The following NTM variants were observed in gnomAD, a reference collection of about 807,000 sequenced individuals.
NTM encodes the protein IgLON family member 2.
In NTM, 13 loss-of-function variants were observed where a neutral mutation model predicts 42.1. The observed-to-expected ratio is 0.31, with a 90% confidence interval of 0.20 to 0.49. The LOEUF (loss-of-function observed/expected upper bound fraction) is 0.49, where lower values mean the gene tolerates loss of function less well. Ranked by LOEUF, NTM falls within the 20% of genes least tolerant of loss-of-function variation. The probability of loss-of-function intolerance (pLI) is 0.99; values close to 1 mark genes in which losing one functional copy is unlikely to be tolerated. For missense variants in NTM, 373 were observed against 452.8 expected (o/e 0.82, Z 1.60); for synonymous variants, 187 against 179.2 (o/e 1.04, Z -0.35).
chr11:132,157,337 T>A (rs988741978), intron 3 of NTM, among the ~76,000 whole-genome samples: 8 of 152,306 alleles, frequency 5.3e-5, no homozygotes, highest in East Asian at 1.9e-4. Context: ...TATTTCTTTT[T>A]AAAAAAAATC....
intron 1 of NTM, among the ~76,000 whole-genome samples, chr11:131,527,145 C>G (rs2050611585): frequency 6.6e-6 from 1 of 152,176 alleles, no homozygotes; most frequent in Non-Finnish European, 1.5e-5. Flanking sequence ...TGTAACCCCC[C>G]TGGTCTCCCA....
chr11:131,647,832 AC>A (rs1184887349), intron 1 of NTM, among the ~76,000 whole-genome samples: 1 of 152,180 alleles, frequency 6.6e-6, no homozygotes, highest in Non-Finnish European at 1.5e-5. Flanking sequence ...GTTTTATTTA[AC>A]TATCCAGAAA....
intron 1 of NTM, among the ~76,000 whole-genome samples, chr11:131,699,930 G>T (rs1394218396): frequency 5.8e-5 from 8 of 138,500 alleles, no homozygotes; most frequent in Admixed American, 5.7e-4. Flanking sequence ...GTGTGTGTGT[G>T]TGTGTGTGTG....
intron 1 of NTM, among the ~76,000 whole-genome samples, chr11:131,491,268 A>G (rs1035816871): frequency 1.3e-5 from 2 of 152,206 alleles, no homozygotes; most frequent in Non-Finnish European, 1.5e-5. Flanking sequence ...TATTCTTTCT[A>G]TAGGAAATGG....
At chr11:132,330,455 C>T (rs954074350) in intron 8 of NTM, among the ~76,000 whole-genome samples, 4 of 152,170 alleles carry the variant, frequency 2.6e-5, no homozygotes, top group African/African-American at 9.7e-5. Flanking sequence ...AGAATAGCTC[C>T]ATCTCTGGGC....
chr11:131,576,884 TAATATCACC>T (rs1277658638), intron 1 of NTM, among the ~76,000 whole-genome samples: 1 of 152,204 alleles, frequency 6.6e-6, no homozygotes, highest in Admixed American at 6.5e-5. Context: ...TGTGGTGCAA[TAATATCACC>T]AATGATATGG....
At chr11:131,596,668 C>T (rs1010194166) in intron 1 of NTM, among the ~76,000 whole-genome samples, 4 of 152,242 alleles carry the variant, frequency 2.6e-5, no homozygotes, top group African/African-American at 9.6e-5. Flanking sequence ...GGCCCAAGCC[C>T]TCGAAGGTCT....
chr11:131,397,594 G>A (rs1442638639), intron 1 of NTM, among the ~76,000 whole-genome samples: 2 of 152,156 alleles, frequency 1.3e-5, no homozygotes, highest in African/African-American at 4.8e-5. Context: ...AAATAAAGAC[G>A]TGTCCTATCA....
At chr11:131,966,799 G>T (rs1046666710) in intron 2 of NTM, among the ~76,000 whole-genome samples, 9 of 152,180 alleles carry the variant, frequency 5.9e-5, no homozygotes, top group African/African-American at 1.9e-4. Flanking sequence ...AGAATGGAAT[G>T]TGTTCTAAAA....
At chr11:131,969,630 A>G (rs1211756075) in intron 2 of NTM, among the ~76,000 whole-genome samples, 1 of 152,164 alleles carries the variant, frequency 6.6e-6, no homozygotes, top group Non-Finnish European at 1.5e-5. Flanking sequence ...TATGATGTGA[A>G]TAGAAGCACT....
intron 1 of NTM, among the ~76,000 whole-genome samples, chr11:131,672,169 C>A (rs113426734): frequency 2.0e-5 from 3 of 152,230 alleles, no homozygotes; most frequent in Non-Finnish European, 4.4e-5. Flanking sequence ...AACAAGCCTG[C>A]GTGGTGCTGT....
At chr11:132,263,508 C>T (rs1178932265) in intron 4 of NTM, among the ~76,000 whole-genome samples, 1 of 152,204 alleles carries the variant, frequency 6.6e-6, no homozygotes, top group Non-Finnish European at 1.5e-5. Context: ...GTCTGCCACG[C>T]CCTTAGTGTT....
At chr11:132,029,136 C>A (rs2075594403) in intron 2 of NTM, among the ~76,000 whole-genome samples, 1 of 151,864 alleles carries the variant, frequency 6.6e-6, no homozygotes, top group Non-Finnish European at 1.5e-5. Context: ...TCTGTATCCA[C>A]CTGTCTTTTC....
intron 2 of NTM, among the ~76,000 whole-genome samples, chr11:132,124,461 G>T (rs2065347822): frequency 6.6e-6 from 1 of 152,182 alleles, no homozygotes; most frequent in South Asian, 2.1e-4. Context: ...TGCCCTTCAC[G>T]AAAGTACTTC....
chr11:132,161,496 G>A (rs991140891), intron 3 of NTM, among the ~76,000 whole-genome samples: 1 of 148,126 alleles, frequency 6.8e-6, no homozygotes, highest in Admixed American at 6.9e-5. Context: ...TCTTAGGCAC[G>A]CTCTATCTGA....
At chr11:131,691,173 C>T (rs530670949) in intron 1 of NTM, among the ~76,000 whole-genome samples, 3 of 152,186 alleles carry the variant, frequency 2.0e-5, no homozygotes, top group South Asian at 4.1e-4. Context: ...CCCAGGCCAC[C>T]CCCGGCCCTG....
chr11:131,930,458 A>T (rs758365030), intron 2 of NTM, among the ~76,000 whole-genome samples: 5 of 152,250 alleles, frequency 3.3e-5, no homozygotes, highest in Non-Finnish European at 4.4e-5. Context: ...TTATGTGTAC[A>T]GGGAGCCGAA....
At chr11:131,439,047 A>G (rs1424914153) in intron 1 of NTM, among the ~76,000 whole-genome samples, 1 of 152,198 alleles carries the variant, frequency 6.6e-6, no homozygotes, top group African/African-American at 2.4e-5. Flanking sequence ...GAGGTCCCTC[A>G]GCTGCAGGTC....
At chr11:132,048,806 C>G (rs979913025) in intron 2 of NTM, among the ~76,000 whole-genome samples, 189 of 127,486 alleles carry the variant, frequency 1.5e-3, no homozygotes, top group African/African-American at 5.5e-3. Flanking sequence ...AGCTGTTTTT[C>G]TTTTCTTTTT....
Sources: gnomAD v4.1 joint callset for allele counts (sites outside exome capture counted in the v4.1 genomes callset) on GRCh38, gnomAD v4.1.1 for gene constraint, MANE v1.5 for transcripts, NCBI Gene and HGNC (gene_info 2026-07-23, HGNC 2026-07-21) for gene names.